JAK1: variants seen among roughly 807,000 people sequenced by gnomAD.
JAK1 encodes tyrosine-protein kinase JAK1.
Under a neutral mutation model 136.6 loss-of-function variants are expected in JAK1, and 16 were observed. The ratio of observed to expected loss-of-function variants is 0.12; its 90% confidence interval spans 0.08 to 0.18. The LOEUF (loss-of-function observed/expected upper bound fraction) is 0.18. JAK1 is among the 10% of genes least tolerant of loss of function. The pLI, the probability that JAK1 is intolerant of heterozygous loss-of-function variation, is 1.00. For missense variants in JAK1, 859 were observed against 1,450.1 expected (o/e 0.59, Z 6.62); for synonymous variants, 492 against 519.5 (o/e 0.95, Z 0.72).
At chr1:65,014,918 C>T (rs1646880737) in intron 2 of JAK1, among the ~76,000 whole-genome samples, 1 of 152,084 alleles carries the variant, frequency 6.6e-6, no homozygotes, top group Admixed American at 6.5e-5. Flanking sequence ...ATCTCCTGAC[C>T]TCGTGATCCA....
At position 64,864,819 on chromosome 1, in the gene JAK1, C is replaced by T; in HGVS notation, c.1144G>A (p.Val382Ile). The change falls in exon 8 of 25, where the codon GTC becomes ATC. Residue 382 changes from valine (V) to isoleucine (I), a missense_variant. This residue lies in a region of JAK1 where 353 missense variants were observed against 494.0 expected (regional missense o/e 0.71). Coordinates refer to ENST00000342505, the MANE Select transcript of JAK1 (RefSeq NM_002227.4). ...ITHIVIKESV[V>I]SINKQDNKKM... ...TTGTTGTCCTGCTTGTTAATGCTGA[C>T]CACAGACTCCTTTATTACAATGTGA... 6.2e-7 allele frequency: 1 copy of T among 1,613,832 alleles called. No individual in the cohort carries two copies. The highest frequency in any genetic ancestry group is 8.5e-7 in the Non-Finnish European group (1 of 1,179,890).
intron 2 of JAK1, among the ~76,000 whole-genome samples, chr1:64,999,923 A>G (rs1646738144): frequency 6.6e-6 from 1 of 151,922 alleles, no homozygotes; most frequent in Admixed American, 6.6e-5. Flanking sequence ...TGGGCACTCA[A>G]GCAATTTTTG....
chr1:64,911,321 A>C (rs866240657), intron 1 of JAK1, among the ~76,000 whole-genome samples: 8 of 152,310 alleles, frequency 5.3e-5, no homozygotes, highest in Middle Eastern at 3.4e-3. Context: ...GATACCTGAG[A>C]GTTAAAGAGT....
chr1:64,985,531 C>G (rs1646590434), intron 2 of JAK1: 1 of 1,438,880 alleles, frequency 6.9e-7, no homozygotes, highest in Non-Finnish European at 9.7e-7. Flanking sequence ...ATGGGAAAGC[C>G]TAATAGCACA....
intron 11 of JAK1, among the ~76,000 whole-genome samples, chr1:64,855,106 T>G (rs1159955313): frequency 6.6e-6 from 1 of 152,260 alleles, no homozygotes; most frequent in East Asian, 1.9e-4. Flanking sequence ...GAGCAGGGAC[T>G]GGACCTTATG....
intron 1 of JAK1, among the ~76,000 whole-genome samples, chr1:64,955,544 T>C (rs78430228): frequency 0.095 from 14,462 of 152,262 alleles, 896 homozygotes; most frequent in Middle Eastern, 0.15. Context: ...TAGGAGAGTA[T>C]GCTAGAAAGT....
At chr1:65,018,582 G>C (rs1646910866) in intron 2 of JAK1, among the ~76,000 whole-genome samples, 1 of 151,784 alleles carries the variant, frequency 6.6e-6, no homozygotes, top group African/African-American at 2.4e-5. Context: ...ATAATAAAAG[G>C]ATATAATGAA....
intron 1 of JAK1, among the ~76,000 whole-genome samples, chr1:64,928,787 A>AAAAAACC (rs1553170002): frequency 3.2e-5 from 3 of 92,602 alleles, no homozygotes; most frequent in African/African-American, 1.1e-4. Flanking sequence ...GCAAAAAAAA[A>AAAAAACC]AAAAAAAAAC....
intron 2 of JAK1, among the ~76,000 whole-genome samples, chr1:65,006,224 T>C (rs1336730252): frequency 6.6e-6 from 1 of 152,254 alleles, no homozygotes; most frequent in African/African-American, 2.4e-5. Flanking sequence ...AATAGTTCAC[T>C]ATGTCATAAA....
chr1:64,834,745 T>A (rs1654363901), intron 24 of JAK1, 88 bp from the exon 25 acceptor site: 2 of 864,150 alleles, frequency 2.3e-6, no homozygotes, highest in Non-Finnish European at 3.7e-6. Flanking sequence ...AGAAAATAAT[T>A]TTGGAAATGC....
At chr1:64,868,929 G>A (rs1421236946) in intron 6 of JAK1, among the ~76,000 whole-genome samples, 1 of 152,138 alleles carries the variant, frequency 6.6e-6, no homozygotes, top group East Asian at 1.9e-4. Context: ...GGCTTGGGAT[G>A]GTAGTAGCTG....
intron 4 of JAK1, among the ~76,000 whole-genome samples, chr1:64,876,656 T>C (rs1644673703): frequency 6.6e-6 from 1 of 152,104 alleles, no homozygotes; most frequent in Non-Finnish European, 1.5e-5. Context: ...CTTTTTAAAA[T>C]TAATTATAAA....
chr1:65,024,789 C>T (rs1646964516), intron 2 of JAK1, among the ~76,000 whole-genome samples: 1 of 151,910 alleles, frequency 6.6e-6, no homozygotes, highest in Admixed American at 6.6e-5. Flanking sequence ...CCAGCCTGGC[C>T]AACATGGTGA....
At chr1:64,983,412 A>G (rs555414446) in intron 2 of JAK1, among the ~76,000 whole-genome samples, 29 of 152,328 alleles carry the variant, frequency 1.9e-4, no homozygotes, top group Admixed American at 1.8e-3. Context: ...GTTCAGAAAA[A>G]AATCTTCTCC....
At chr1:65,009,068 C>T (rs1475959591) in intron 2 of JAK1, among the ~76,000 whole-genome samples, 1 of 152,170 alleles carries the variant, frequency 6.6e-6, no homozygotes, top group Non-Finnish European at 1.5e-5. Flanking sequence ...GTTCACTACA[C>T]AGTTGTTTAT....
At chr1:64,908,379 C>A (rs976205076) in intron 1 of JAK1, among the ~76,000 whole-genome samples, 1 of 152,142 alleles carries the variant, frequency 6.6e-6, no homozygotes, top group African/African-American at 2.4e-5. Context: ...GCCACCATTT[C>A]CACTTGTGCC....
intron 1 of JAK1, among the ~76,000 whole-genome samples, chr1:64,934,212 G>A (rs980513408): frequency 2.0e-5 from 3 of 152,344 alleles, no homozygotes; most frequent in East Asian, 3.9e-4. Flanking sequence ...TGGAATCCCA[G>A]GAGACATCTC....
At chr1:65,020,654 C>T (rs1646930533) in intron 2 of JAK1, among the ~76,000 whole-genome samples, 2 of 152,238 alleles carry the variant, frequency 1.3e-5, no homozygotes, top group Non-Finnish European at 2.9e-5. Flanking sequence ...AAACTTCACA[C>T]ACATTTTAAT....
intron 1 of JAK1, among the ~76,000 whole-genome samples, chr1:65,049,297 C>G (rs969198109): frequency 6.6e-6 from 1 of 152,184 alleles, no homozygotes; most frequent in Non-Finnish European, 1.5e-5. Context: ...TAGTGCACAC[C>G]TGTAGTCCCA....
Sources: allele counts gnomAD v4.1 joint callset (sites outside exome capture counted in the v4.1 genomes callset), GRCh38; gene constraint gnomAD v4.1.1; regional missense constraint gnomAD v4.1.1; transcripts MANE v1.5; gene names NCBI Gene and HGNC (gene_info 2026-07-23, HGNC 2026-07-21).